The following SRPX2 variants were observed in gnomAD, a reference collection of about 807,000 sequenced individuals.
The protein encoded by SRPX2 is sushi repeat containing protein X-linked 2.
A neutral mutation model predicts 45.3 loss-of-function variants in SRPX2; 26 were observed. The ratio of observed to expected loss-of-function variants is 0.57; its 90% confidence interval spans 0.42 to 0.80. SRPX2 has a LOEUF of 0.80. SRPX2 is among the 30% of genes least tolerant of loss of function. SRPX2 has a pLI of 0.00. For synonymous variants in SRPX2, 125 were observed against 143.7 expected (o/e 0.87, Z 0.93); for missense variants, 355 against 399.8 (o/e 0.89, Z 0.95).
At chrX:100,665,027 TCA>T in intron 5 of SRPX2, 77 bp downstream of exon 5, 1 of 1,137,726 alleles carries the variant, frequency 8.8e-7, no homozygotes, top group African/African-American at 1.8e-5. Flanking sequence ...TGTGGAATTC[TCA>T]CCACAGAAGG....
chrX:100,662,279 C>A lies in SRPX2; in HGVS notation c.267C>A (p.Leu89=). 2 of 1,211,938 alleles carry A rather than the reference C, an allele frequency of 1.7e-6. No homozygotes were observed. The highest frequency in any genetic ancestry group is 3.5e-5 in the South Asian group (2 of 57,003). Residue 89 remains leucine (L), a synonymous_variant, in exon 4 of 11, where the codon CTC becomes CTA. Transcript: ENST00000373004. ...GCAGCCTGGGCACGCGTTGTGAGCT[C>A]TCCTGTGACCGGGGCTTTCGATTGA... ...YHSSLGTRCE[L]SCDRGFRLIG...
At chrX:100,667,535 C>T in intron 9 of SRPX2, 128 bp downstream of exon 9, 1 of 857,131 alleles carries the variant, frequency 1.2e-6, no homozygotes, top group Non-Finnish European at 1.7e-6. Context: ...AGCATTTGAT[C>T]AGTTTTACCA....
intron 6 of SRPX2, 36 bp from the exon 7 acceptor site, chrX:100,665,500 C>CG: frequency 8.3e-7 from 1 of 1,211,489 alleles, no homozygotes; most frequent in Non-Finnish European, 1.1e-6. Context: ...CTAAGGGTCT[C>CG]TTTCCTCAGT....
chrX:100,653,675 C>T (rs1468749221), intron 3 of SRPX2, among the ~76,000 whole-genome samples: 1 of 112,010 alleles, frequency 8.9e-6, no homozygotes, highest in Non-Finnish European at 1.9e-5. Flanking sequence ...CCACACTGAG[C>T]TTTCTCTCGC....
At chrX:100,653,530 C>T (rs941123463) in intron 3 of SRPX2, among the ~76,000 whole-genome samples, 3 of 111,028 alleles carry the variant, frequency 2.7e-5, no homozygotes, top group African/African-American at 9.8e-5. Flanking sequence ...ACCTACTGGC[C>T]CACAATGACC....
Position 100,673,027 on chromosome X carries a change from TG to T in SRPX2, c.*2041del, listed in dbSNP as rs748149049. 3.6e-5 allele frequency: 4 copies of T among 112,388 alleles called. No individual in the cohort carries two copies. In the East Asian group the frequency reaches 1.1e-3, roughly 31 times the overall value. The allele number at this position is 112,388 out of a possible 1,213,427, so 9.3% of individuals were successfully genotyped here. On this transcript the variant is annotated 3_prime_UTR_variant, in exon 11 of 11. Coordinates refer to ENST00000373004, the MANE Select transcript of SRPX2 (RefSeq NM_014467.3). ...CTTCCCTCCAGGGAAATATGGGAAC[TG>T]TGAGAGGCAGCAGGCAAGTTATGGG...
chrX:100,666,757 G>A lies in SRPX2; in HGVS notation c.785G>A (p.Arg262Lys). ...SCKFIVKVQV[R>K]RCPTLKPPQH... ...AACTTGAGCTCCTCCCTGACAGTGA[G>A]ACGCTGCCCAACTCTGAAACCTCCG... The change falls in exon 8 of 11, where the codon AGA (arginine) becomes AAA (lysine). Residue 262 changes from arginine to lysine, a missense_variant. Coordinates refer to ENST00000373004, the MANE Select transcript of SRPX2 (RefSeq NM_014467.3). 1 of 1,212,074 alleles carries A rather than the reference G, an allele frequency of 8.3e-7. No individual in the cohort carries two copies. Among genetic ancestry groups the A allele is most frequent in the African/African-American group, 1.7e-5 (1 of 57,907 alleles).
At chrX:100,645,739 G>A (rs934943793) in intron 1 of SRPX2, among the ~76,000 whole-genome samples, 1 of 112,341 alleles carries the variant, frequency 8.9e-6, no homozygotes, top group Non-Finnish European at 1.9e-5. Context: ...CCGAGGCTTA[G>A]AGAAGTTAAA....
intron 1 of SRPX2, among the ~76,000 whole-genome samples, chrX:100,645,157 G>C (rs1339466106): frequency 1.8e-5 from 2 of 111,631 alleles, no homozygotes; most frequent in African/African-American, 6.5e-5. Flanking sequence ...TGTCCCTTAG[G>C]GACTCTGGCC....
rs1484655126 is a variant in SRPX2, at chrX:100,664,856, C to T, written c.438C>T (p.Asp146=). Residue 146 remains aspartate, a synonymous_variant, in exon 5 of 11, where the codon GAC becomes GAT. Coordinates refer to ENST00000373004, the MANE Select transcript of SRPX2 (RefSeq NM_014467.3). ...TNGVLLDSRC[D]YSCSSGYHLE... is the part of the protein sequence containing the mutation. The stretch of plus-strand genomic sequence containing the variant: ...GAGTGCTTCTTGACTCTCGCTGTGA[C>T]TACAGCTGTTCCAGTGGCTACCACC... The T allele has an allele frequency of 8.3e-7, 1 of 1,208,811 alleles. No homozygotes were observed. The highest frequency in any genetic ancestry group is 1.7e-5 in the African/African-American group (1 of 57,306).
chrX:100,666,702 T>C, intron 7 of SRPX2, 52 bp from the exon 8 acceptor site: 1 of 1,206,215 alleles, frequency 8.3e-7, no homozygotes, highest in Non-Finnish European at 1.1e-6. Flanking sequence ...CTCTTAGCCT[T>C]TCCTTCTTAT....
rs761583696 is a variant in SRPX2, at chrX:100,662,943, C to G, written c.355+576C>G. Among the ~76,000 whole-genome samples, 24 of 112,233 alleles carry G rather than the reference C, an allele frequency of 2.1e-4. 1 individual carries two copies. The highest frequency in any genetic ancestry group is 9.4e-5 in the Non-Finnish European group (5 of 53,270). On this transcript the variant is annotated intron_variant, in intron 4 of 10. Transcript: ENST00000373004. ...CTTTTAGCAGCTGAACTTTTCCTGT[C>G]CATATGTCCATGGCAGAACACCACT...
Position 100,646,462 on chromosome X carries a change from C to G in SRPX2, c.82+58C>G. 5 of 1,034,353 alleles carry G rather than the reference C, an allele frequency of 4.8e-6. No individual in the cohort carries two copies. In the Admixed American group the frequency reaches 1.1e-4, roughly 23 times the overall value. 85.2% of individuals were successfully genotyped at this position (1,034,353 alleles called of 1,213,427 possible). On this transcript the variant is annotated intron_variant, in intron 2 of 10. Coordinates refer to ENST00000373004, the MANE Select transcript of SRPX2 (RefSeq NM_014467.3). ...AGGAAGGATAGGTCCTAGACCAAGACTTGGAGAAGGAAGAGTTAGACTACA... is the reference window on the plus strand; with the variant it reads ...AGGAAGGATAGGTCCTAGACCAAGAGTTGGAGAAGGAAGAGTTAGACTACA...
chrX:100,656,944 C>T (rs916269742), intron 3 of SRPX2, among the ~76,000 whole-genome samples: 6 of 108,557 alleles, frequency 5.5e-5, no homozygotes, highest in Admixed American at 9.9e-5. Context: ...TTCCTTCCTT[C>T]GAGATGGAGC....
chrX:100,656,924 TCTTCCTTCCTTC>T (rs1047999506), intron 3 of SRPX2, among the ~76,000 whole-genome samples: 7 of 108,152 alleles, frequency 6.5e-5, no homozygotes, highest in Non-Finnish European at 1.2e-4. Flanking sequence ...CTCCTTCCTT[TCTTCCTTCCTTC>T]CTTCCTTCGA....
At chrX:100,659,007 A>C (rs2083178886) in intron 3 of SRPX2, among the ~76,000 whole-genome samples, 1 of 111,789 alleles carries the variant, frequency 8.9e-6, no homozygotes, top group Non-Finnish European at 1.9e-5. Flanking sequence ...CATCAATGAC[A>C]TGAAAAGCAT....
intron 2 of SRPX2, among the ~76,000 whole-genome samples, chrX:100,647,837 C>T (rs765659428): frequency 1.8e-5 from 2 of 112,774 alleles, no homozygotes; most frequent in Admixed American, 9.3e-5. Context: ...CCCACTTCCA[C>T]GTGAATCACA....
intron 3 of SRPX2, among the ~76,000 whole-genome samples, chrX:100,655,954 C>T (rs1457701723): frequency 9.4e-6 from 1 of 105,887 alleles, no homozygotes; most frequent in Non-Finnish European, 1.9e-5. Flanking sequence ...ACCTCTGCCT[C>T]CCAGGTTCAA....
chrX:100,655,525 T>C (rs765679449), intron 3 of SRPX2, among the ~76,000 whole-genome samples: 1 of 111,571 alleles, frequency 9.0e-6, no homozygotes, highest in African/African-American at 3.3e-5. Flanking sequence ...TACTTCAAAA[T>C]AGTAGCCTAT....
Sources: gnomAD v4.1 joint callset for allele counts (sites outside exome capture counted in the v4.1 genomes callset) on GRCh38, gnomAD v4.1.1 for gene constraint, MANE v1.5 for transcripts, NCBI Gene and HGNC (gene_info 2026-07-23, HGNC 2026-07-21) for gene names.